The following UGGT2 variants were observed in gnomAD, a reference collection of about 807,000 sequenced individuals.
The protein encoded by UGGT2 is UDP-glucose:glycoprotein glucosyltransferase 2.
Under a neutral mutation model 192.1 loss-of-function variants are expected in UGGT2, and 180 were observed. That is an observed-to-expected ratio of 0.94 (90% CI 0.83 to 1.06). The LOEUF (loss-of-function observed/expected upper bound fraction) is 1.06. Ranked by LOEUF, UGGT2 falls within the 50% of genes least tolerant of loss-of-function variation. The pLI is 0.00. For missense variants in UGGT2, 1,849 were observed against 1,795.7 expected (o/e 1.03, Z -0.54); for synonymous variants, 580 against 591.0 (o/e 0.98, Z 0.27).
intron 10 of UGGT2, among the ~76,000 whole-genome samples, chr13:95,982,464 A>G (rs2051157045): frequency 6.6e-6 from 1 of 152,182 alleles, no homozygotes; most frequent in African/African-American, 2.4e-5. Flanking sequence ...CCAAGTGGAA[A>G]GCCCATATGC....
chr13:95,816,664 G>A (rs1291650295), intron 38 of UGGT2, among the ~76,000 whole-genome samples: 1 of 152,202 alleles, frequency 6.6e-6, no homozygotes, highest in South Asian at 2.1e-4. Context: ...GTATGGCACT[G>A]GAGGAAAGGC....
At chr13:95,908,548 G>GT (rs1398126475) in intron 20 of UGGT2, among the ~76,000 whole-genome samples, 16 of 152,202 alleles carry the variant, frequency 1.1e-4, no homozygotes, top group African/African-American at 2.6e-4. Context: ...GGTTGAACTA[G>GT]TTACAGTCCC....
At position 95,856,249 on chromosome 13, in the gene UGGT2, C is replaced by T; in HGVS notation, c.3917G>A (p.Arg1306Lys). 1.2e-6 allele frequency: 2 copies of T among 1,613,720 alleles called. No homozygotes were observed. Among genetic ancestry groups the T allele is most frequent in the Non-Finnish European group, 1.7e-6 (2 of 1,179,804 alleles). Residue 1306 changes from arginine (R) to lysine (K), a missense_variant, in exon 34 of 39, where the codon AGA becomes AAA. By Grantham distance (26) the Arg-to-Lys change is conservative. Coordinates refer to ENST00000376747, the MANE Select transcript of UGGT2 (RefSeq NM_020121.4). ...TTTGTAACCCCAAATAATCCTCTGTCTTTCAGTCTGTTGACGAAGCCAACG... is the reference window on the plus strand; with the variant it reads ...TTTGTAACCCCAAATAATCCTCTGTTTTTCAGTCTGTTGACGAAGCCAACG... ...WPRWLRQQTE[R>K]QRIIWGYKIL...
At position 96,053,354 on chromosome 13, in the gene UGGT2, A is replaced by T. The variant is rs751346400; in HGVS notation, c.-42T>A. Reference sequence around the variant, plus strand: ...CGCGAGTCCCTCGGACCCGGTACCCACAGTCTGTGGCCGCCACGCTTCGGC... The same window carrying T: ...CGCGAGTCCCTCGGACCCGGTACCCTCAGTCTGTGGCCGCCACGCTTCGGC... On this transcript the variant is annotated 5_prime_UTR_variant, in exon 1 of 39. Coordinates refer to ENST00000376747, the MANE Select transcript of UGGT2 (RefSeq NM_020121.4). The T allele has an allele frequency of 1.9e-6, 3 of 1,557,348 alleles. No individual in the cohort carries two copies. The highest frequency in any genetic ancestry group is 2.6e-6 in the Non-Finnish European group (3 of 1,164,406).
intron 36 of UGGT2, among the ~76,000 whole-genome samples, chr13:95,844,081 C>A (rs1888143495): frequency 6.6e-6 from 1 of 152,106 alleles, no homozygotes; most frequent in South Asian, 2.1e-4. Context: ...CTGCCTCAGC[C>A]TCCCAAGTAG....
At chr13:96,046,790 G>A (rs767705093) in intron 1 of UGGT2, among the ~76,000 whole-genome samples, 5 of 152,296 alleles carry the variant, frequency 3.3e-5, no homozygotes, top group South Asian at 2.1e-4. Flanking sequence ...CTTTTCCAAC[G>A]GTCTTAGCAA....
chr13:95,838,898 A>T (rs1252777603), intron 36 of UGGT2, among the ~76,000 whole-genome samples: 6 of 152,102 alleles, frequency 3.9e-5, no homozygotes, highest in Non-Finnish European at 8.8e-5. Flanking sequence ...CACTCCACTG[A>T]GTACTCAGAT....
chr13:95,884,745 C>A, intron 26 of UGGT2, 65 bp from the exon 27 acceptor site: 1 of 1,463,740 alleles, frequency 6.8e-7, no homozygotes, highest in South Asian at 1.4e-5. Context: ...AAAATATTTT[C>A]AAAATTGAAA....
At chr13:95,819,172 A>AT (rs1885232484) in intron 38 of UGGT2, among the ~76,000 whole-genome samples, 1 of 152,190 alleles carries the variant, frequency 6.6e-6, no homozygotes, top group African/African-American at 2.4e-5. Flanking sequence ...TTGATAATAT[A>AT]TTACCTTTCT....
chr13:96,044,477 C>T (rs1469291988), intron 1 of UGGT2, among the ~76,000 whole-genome samples: 1 of 151,762 alleles, frequency 6.6e-6, no homozygotes, highest in Admixed American at 6.6e-5. Flanking sequence ...AAACCCAATC[C>T]CAGTAGAAGT....
intron 7 of UGGT2, among the ~76,000 whole-genome samples, chr13:95,993,881 T>C (rs1267425202): frequency 6.6e-6 from 1 of 152,108 alleles, no homozygotes; most frequent in African/African-American, 2.4e-5. Context: ...AAAATGTACA[T>C]GAAATTACAG....
chr13:95,935,098 T>G (rs1265814788), intron 17 of UGGT2, among the ~76,000 whole-genome samples: 1 of 152,208 alleles, frequency 6.6e-6, no homozygotes, highest in Non-Finnish European at 1.5e-5. Context: ...CCCTTTACTT[T>G]GAGCCCGTCT....
At chr13:95,886,086 GAACA>G (rs1035104161) in intron 26 of UGGT2, among the ~76,000 whole-genome samples, 1 of 152,110 alleles carries the variant, frequency 6.6e-6, no homozygotes, top group Non-Finnish European at 1.5e-5. Flanking sequence ...CAAGGATCCA[GAACA>G]AACAGGAAAG....
intron 38 of UGGT2, among the ~76,000 whole-genome samples, chr13:95,810,271 C>T (rs1884515654): frequency 6.6e-6 from 1 of 152,130 alleles, no homozygotes. Flanking sequence ...GTATGAACTG[C>T]TCATGTGGAG....
At chr13:95,809,330 C>G (rs977489840) in intron 38 of UGGT2, 1 of 480,020 alleles carries the variant, frequency 2.1e-6, no homozygotes. Context: ...TTCTTTCTCT[C>G]TAGCTTCATT....
intron 1 of UGGT2, among the ~76,000 whole-genome samples, chr13:96,038,009 T>C (rs1447576236): frequency 1.3e-5 from 2 of 152,312 alleles, no homozygotes; most frequent in East Asian, 1.9e-4. Context: ...GAGAGAAAGA[T>C]TTTAGTTTAT....
intron 36 of UGGT2, among the ~76,000 whole-genome samples, chr13:95,852,359 G>C (rs1217826799): frequency 6.6e-6 from 1 of 152,090 alleles, no homozygotes; most frequent in Non-Finnish European, 1.5e-5. Flanking sequence ...TCAGCTTTTA[G>C]GCCTCCATCT....
chr13:95,939,890 T>C, intron 16 of UGGT2, 67 bp downstream of exon 16: 1 of 1,264,924 alleles, frequency 7.9e-7, no homozygotes, highest in Non-Finnish European at 1.1e-6. Context: ...TCTACATGAG[T>C]AGAGATCATG....
At chr13:95,986,719 T>G (rs1015775204) in intron 8 of UGGT2, among the ~76,000 whole-genome samples, 7 of 152,074 alleles carry the variant, frequency 4.6e-5, no homozygotes, top group Non-Finnish European at 1.0e-4. Context: ...GCAAAGCTTT[T>G]TCTATACTTA....
Sources: allele counts gnomAD v4.1 joint callset (sites outside exome capture counted in the v4.1 genomes callset), GRCh38; gene constraint gnomAD v4.1.1; transcripts MANE v1.5; gene names NCBI Gene and HGNC (gene_info 2026-07-23, HGNC 2026-07-21).